XIRP2: variants seen among roughly 807,000 people sequenced by gnomAD.
The protein encoded by XIRP2 is xin actin-binding repeat-containing protein 2.
XIRP2 carries 236 observed loss-of-function variants against 277.0 expected under a neutral mutation model. The ratio of observed to expected loss-of-function variants is 0.85; its 90% CI spans 0.77 to 0.95. The LOEUF (loss-of-function observed/expected upper bound fraction) is 0.95. Among genes scored for constraint, XIRP2 ranks in the 40% least tolerant of loss-of-function variants. The pLI is 0.00. For synonymous variants in XIRP2, 1,490 were observed against 1,416.5 expected (o/e 1.05, Z -1.17); for missense variants, 4,640 against 4,157.5 (o/e 1.12, Z -3.19).
In XIRP2 at chr2:166,971,062, C is replaced by T. The variant is rs567396644; in HGVS notation, c.408+67172C>T. On this transcript the variant is annotated intron_variant, in intron 2 of 10. Coordinates refer to ENST00000409195, the MANE Select transcript of XIRP2 (RefSeq NM_152381.6). Reference sequence around the variant, plus strand: ...TCAATGAACAAGGAAATATTAGGTACACATTAAGAGGAGTAAGTCTATTGA... The same window carrying T: ...TCAATGAACAAGGAAATATTAGGTATACATTAAGAGGAGTAAGTCTATTGA... Among the ~76,000 whole-genome samples the T allele has an allele frequency of 7.2e-5, 11 of 151,928 alleles. No individual in the cohort carries two copies. In the South Asian group the frequency reaches 2.1e-3, roughly 29 times the overall value.
intron 2 of XIRP2, among the ~76,000 whole-genome samples, chr2:166,942,504 G>A (rs1685747007): frequency 6.6e-6 from 1 of 152,156 alleles, no homozygotes; most frequent in Non-Finnish European, 1.5e-5. Flanking sequence ...AAGTGTTAGT[G>A]GCAGTGCCAG....
intron 3 of XIRP2, among the ~76,000 whole-genome samples, chr2:167,144,390 A>G (rs1165509101): frequency 6.6e-6 from 1 of 152,140 alleles, no homozygotes; most frequent in Non-Finnish European, 1.5e-5. Flanking sequence ...CAGTACACGT[A>G]GTCCTAGCCA....
intron 2 of XIRP2, among the ~76,000 whole-genome samples, chr2:166,914,569 T>C (rs978623529): frequency 3.9e-5 from 6 of 152,122 alleles, no homozygotes; most frequent in African/African-American, 1.4e-4. Flanking sequence ...CTTGATCTCC[T>C]GACCTCGAGT....
intron 2 of XIRP2, among the ~76,000 whole-genome samples, chr2:166,969,241 G>A (rs538934534): frequency 7.9e-5 from 12 of 151,998 alleles, no homozygotes; most frequent in Non-Finnish European, 1.5e-4. Context: ...ACAGTGGTAA[G>A]AGGATGAGGT....
chr2:166,994,968 G>A lies in XIRP2; in HGVS notation c.408+91078G>A, dbSNP rs1053810272. Among the ~76,000 whole-genome samples, 6 of 150,754 alleles carry A rather than the reference G, an allele frequency of 4.0e-5. No individual in the cohort carries two copies. In the South Asian group the frequency reaches 6.3e-4, roughly 16 times the overall value. On this transcript the variant is annotated intron_variant, in intron 2 of 10. Transcript: ENST00000409195. ...TCCATCTCAGCTCACTGCAACCTCC[G>A]CCTCCCGGGTTCAAGTGATTATCCT...
intron 3 of XIRP2, chr2:167,187,339 T>C (rs1693185866): frequency 2.0e-6 from 2 of 985,232 alleles, no homozygotes; most frequent in Admixed American, 1.2e-4. Context: ...GACGCTCTGC[T>C]AAAATAAATT....
intron 2 of XIRP2, among the ~76,000 whole-genome samples, chr2:167,024,230 T>G (rs1416835233): frequency 6.6e-6 from 1 of 152,142 alleles, no homozygotes; most frequent in Non-Finnish European, 1.5e-5. Context: ...GAATGGGAGT[T>G]CACTCATGAT....
chr2:167,084,646 A>G (rs950318681), intron 2 of XIRP2, among the ~76,000 whole-genome samples: 1 of 151,938 alleles, frequency 6.6e-6, no homozygotes, highest in African/African-American at 2.4e-5. Context: ...TCAGAGATTC[A>G]ACTTCTTCCT....
chr2:167,085,566 A>G (rs1462960215), intron 2 of XIRP2, among the ~76,000 whole-genome samples: 4 of 151,994 alleles, frequency 2.6e-5, no homozygotes, highest in Non-Finnish European at 4.4e-5. Flanking sequence ...CATTATTAAT[A>G]TGTGTGAGTC....
chr2:167,142,272 G>A lies in XIRP2; in HGVS notation c.562+6210G>A, dbSNP rs142227400. On this transcript the variant is annotated intron_variant, in intron 3 of 10. Coordinates refer to ENST00000409195, the MANE Select transcript of XIRP2 (RefSeq NM_152381.6). ...AGTTATTATAAGAAAGGTACAGGCCGGGCACAATGGCTCACGCTTATAATC... is the reference window on the plus strand; with the variant it reads ...AGTTATTATAAGAAAGGTACAGGCCAGGCACAATGGCTCACGCTTATAATC... 3.2e-4 allele frequency among the ~76,000 whole-genome samples: 48 copies of A among 152,222 alleles called. No homozygotes were observed. The South Asian group carries it at 7.7e-3, about 24-fold the overall frequency.
intron 3 of XIRP2, among the ~76,000 whole-genome samples, chr2:167,152,460 C>T (rs1692045087): frequency 1.3e-5 from 2 of 152,038 alleles, no homozygotes; most frequent in Non-Finnish European, 2.9e-5. Context: ...TCCTCATTTC[C>T]TTATAAAGTC....
chr2:167,002,198 C>T (rs545939976), intron 2 of XIRP2, among the ~76,000 whole-genome samples: 1 of 151,974 alleles, frequency 6.6e-6, no homozygotes, highest in African/African-American at 2.4e-5. Flanking sequence ...ATTTTAAAAT[C>T]AGATTTATTA....
At chr2:167,162,308 T>A (rs1000859956) in intron 3 of XIRP2, among the ~76,000 whole-genome samples, 2 of 152,226 alleles carry the variant, frequency 1.3e-5, no homozygotes, top group Admixed American at 1.3e-4. Context: ...ACCAATTTGC[T>A]GTATTAGTCT....
chr2:166,935,526 T>C (rs1685472394), intron 2 of XIRP2, among the ~76,000 whole-genome samples: 1 of 152,192 alleles, frequency 6.6e-6, no homozygotes, highest in Non-Finnish European at 1.5e-5. Context: ...AACTCATCAT[T>C]TACAGTAGGT....
chr2:167,041,221 T>C (rs1275261331), intron 2 of XIRP2, among the ~76,000 whole-genome samples: 1 of 152,024 alleles, frequency 6.6e-6, no homozygotes, highest in Non-Finnish European at 1.5e-5. Context: ...CTCACATATA[T>C]GAGAAAGAAC....
In XIRP2 at chr2:167,246,297, G is replaced by A; in HGVS notation, c.4905G>A (p.Leu1635=). The A allele has an allele frequency of 6.2e-7, 1 of 1,613,212 alleles. No individual in the cohort carries two copies. The highest frequency in any genetic ancestry group is 1.7e-5 in the Admixed American group (1 of 59,908). ...ISEEEKGNVN[L]TKTQLLNRST... ...AAGAAGAGAAGGGAAATGTTAATTTGACTAAAACTCAATTATTAAACAGAT... is the reference window on the plus strand; with the variant it reads ...AAGAAGAGAAGGGAAATGTTAATTTAACTAAAACTCAATTATTAAACAGAT... The change falls in exon 9 of 11, where the codon TTG becomes TTA. Residue 1635 remains leucine (L), a synonymous_variant. Coordinates refer to ENST00000409195, the MANE Select transcript of XIRP2 (RefSeq NM_152381.6).
chr2:167,062,180 C>T (rs1345901554), intron 2 of XIRP2, among the ~76,000 whole-genome samples: 1 of 152,000 alleles, frequency 6.6e-6, no homozygotes. Flanking sequence ...GCATCTTTTC[C>T]AACTCTGCGT....
chr2:167,036,918 C>T (rs1688521617), intron 2 of XIRP2, among the ~76,000 whole-genome samples: 1 of 152,120 alleles, frequency 6.6e-6, no homozygotes, highest in Admixed American at 6.6e-5. Context: ...TCCACTTTTG[C>T]TTCTTCTTCA....
chr2:166,930,443 A>G (rs867527179), intron 2 of XIRP2, among the ~76,000 whole-genome samples: 2 of 152,152 alleles, frequency 1.3e-5, no homozygotes, highest in Non-Finnish European at 1.5e-5. Context: ...ATGGAAGTCA[A>G]TTGAAGACAT....
Sources: gnomAD v4.1 joint callset for allele counts (sites outside exome capture counted in the v4.1 genomes callset) on GRCh38, gnomAD v4.1.1 for gene constraint, MANE v1.5 for transcripts, NCBI Gene and HGNC (gene_info 2026-07-23, HGNC 2026-07-21) for gene names.